RPGRIP1L: variants seen among roughly 807,000 people sequenced by gnomAD.
RPGRIP1L encodes the protein RPGRIP1 like.
Under a neutral mutation model 160.4 loss-of-function variants are expected in RPGRIP1L, and 131 were observed. That is an observed-to-expected ratio of 0.82 (90% CI 0.71 to 0.94). The LOEUF is 0.94. Among genes scored for constraint, RPGRIP1L ranks in the 40% least tolerant of loss-of-function variants. The pLI, the probability that RPGRIP1L is intolerant of heterozygous loss-of-function variation, is 0.00. For synonymous variants in RPGRIP1L, 510 were observed against 515.8 expected (o/e 0.99, Z 0.15); for missense variants, 1,522 against 1,535.8 (o/e 0.99, Z 0.15).
Position 53,667,787 on chromosome 16 carries a change from C to T in RPGRIP1L, c.1104-2778G>A, listed in dbSNP as rs1022408092. ...ACTCAGGAGGCTGAGACAGAAGAATCGCTTGAACCTGGGAGGCAGGGGTTG... is the reference window on the plus strand; with the variant it reads ...ACTCAGGAGGCTGAGACAGAAGAATTGCTTGAACCTGGGAGGCAGGGGTTG... On this transcript the variant is annotated intron_variant, in intron 9 of 26. Transcript: ENST00000647211. Among the ~76,000 whole-genome samples the T allele has an allele frequency of 2.6e-5, 4 of 152,012 alleles. No homozygotes were observed. In the South Asian group the frequency reaches 6.2e-4, roughly 24 times the overall value.
chr16:53,643,908 CAT>C (rs1358590280), intron 17 of RPGRIP1L, among the ~76,000 whole-genome samples: 21 of 152,304 alleles, frequency 1.4e-4, no homozygotes, highest in African/African-American at 3.8e-4. Context: ...AGGATGACCA[CAT>C]GTTAGACTTG....
At chr16:53,603,674 A>ATGTGTGTGTGTG (rs3035223) in intron 26 of RPGRIP1L, among the ~76,000 whole-genome samples, 1,989 of 148,012 alleles carry the variant, frequency 0.013, 36 homozygotes, top group South Asian at 0.061. Context: ...TTGAACTTTA[A>ATGTGTGTGTGTG]TGTGTGTGTG....
chr16:53,635,848 G>T lies in RPGRIP1L; in HGVS notation c.3294+591C>A, dbSNP rs114092779. Reference sequence around the variant, plus strand: ...ACAATAAAAAATGCTCTGGTAAACAGTATACTTCCCATATATATTTTAAAA... The same window carrying T: ...ACAATAAAAAATGCTCTGGTAAACATTATACTTCCCATATATATTTTAAAA... On this transcript the variant is annotated intron_variant, in intron 22 of 26. Transcript: ENST00000647211. Among the ~76,000 whole-genome samples, 215 of 152,104 alleles carry T rather than the reference G, an allele frequency of 1.4e-3. 1 individual carries two copies. Among genetic ancestry groups the T allele is most frequent in the African/African-American group, 4.8e-3 (200 of 41,502 alleles).
chr16:53,641,763 A>G (rs1034170842), intron 17 of RPGRIP1L, among the ~76,000 whole-genome samples: 5 of 152,314 alleles, frequency 3.3e-5, no homozygotes, highest in Admixed American at 2.6e-4. Context: ...TGAGACAATT[A>G]ATTTATAAAT....
intron 7 of RPGRIP1L, among the ~76,000 whole-genome samples, chr16:53,673,737 T>C (rs1281698578): frequency 1.3e-5 from 2 of 152,090 alleles, no homozygotes; most frequent in Non-Finnish European, 2.9e-5. Flanking sequence ...TATTGAGCCA[T>C]TCAGGTCAAT....
rs951049143 is a variant in RPGRIP1L, at chr16:53,668,506, A to C, written c.1103+3004T>G. On this transcript the variant is annotated intron_variant, in intron 9 of 26. Coordinates refer to ENST00000647211, the MANE Select transcript of RPGRIP1L (RefSeq NM_015272.5). ...GACCCAGTCTCAAATTAACTGAATCAGAGTTGGATGGTATGGGGGCAGAGG... is the reference window on the plus strand; with the variant it reads ...GACCCAGTCTCAAATTAACTGAATCCGAGTTGGATGGTATGGGGGCAGAGG... Among the ~76,000 whole-genome samples, 6 of 152,208 alleles carry C rather than the reference A, an allele frequency of 3.9e-5. No individual in the cohort carries two copies. The South Asian group carries it at 1.2e-3, about 32-fold the overall frequency.
chr16:53,680,599 G>T (rs1347786782), intron 6 of RPGRIP1L, among the ~76,000 whole-genome samples: 1 of 152,074 alleles, frequency 6.6e-6, no homozygotes, highest in Non-Finnish European at 1.5e-5. Flanking sequence ...ACATTATTGG[G>T]ACAATTGGGG....
chr16:53,627,855 T>C (rs1045760264), intron 22 of RPGRIP1L, among the ~76,000 whole-genome samples: 2 of 152,156 alleles, frequency 1.3e-5, no homozygotes, highest in South Asian at 2.1e-4. Flanking sequence ...ATAGTACATT[T>C]ATTTACCTGC....
chr16:53,639,488 T>C (rs1966067655), intron 19 of RPGRIP1L, among the ~76,000 whole-genome samples: 1 of 152,124 alleles, frequency 6.6e-6, no homozygotes, highest in South Asian at 2.1e-4. Context: ...GGGTGTGCCA[T>C]GGCTTAATGA....
chr16:53,614,451 T>G (rs1964232613), intron 24 of RPGRIP1L, among the ~76,000 whole-genome samples: 1 of 152,224 alleles, frequency 6.6e-6, no homozygotes, highest in Non-Finnish European at 1.5e-5. Context: ...TTCTAACATG[T>G]TTCCAGTTGA....
intron 15 of RPGRIP1L, 137 bp downstream of exon 15, chr16:53,652,398 T>G (rs145764360): frequency 1.4e-6 from 1 of 722,234 alleles, no homozygotes; most frequent in African/African-American, 1.8e-5. Flanking sequence ...ATAGTCCAAT[T>G]AACTGTGGGT....
chr16:53,605,139 C>G (rs1340316485), intron 26 of RPGRIP1L, among the ~76,000 whole-genome samples: 1 of 151,900 alleles, frequency 6.6e-6, no homozygotes, highest in African/African-American at 2.4e-5. Context: ...CAAGACTGCA[C>G]TCCAACTTGG....
At chr16:53,610,826 C>T (rs1440630728) in intron 25 of RPGRIP1L, 141 bp downstream of exon 25, 24 of 712,562 alleles carry the variant, frequency 3.4e-5, no homozygotes, top group African/African-American at 1.4e-4. Context: ...ACAGAGATCC[C>T]GTACTCATTC....
At chr16:53,652,389 T>C (rs936591972) in intron 15 of RPGRIP1L, 146 bp downstream of exon 15, 22 of 699,430 alleles carry the variant, frequency 3.1e-5, no homozygotes, top group African/African-American at 3.6e-5. Context: ...ACGTTTAAGA[T>C]AGTCCAATTA....
intron 22 of RPGRIP1L, among the ~76,000 whole-genome samples, chr16:53,632,062 C>G (rs1420906283): frequency 6.6e-6 from 1 of 152,106 alleles, no homozygotes; most frequent in Non-Finnish European, 1.5e-5. Flanking sequence ...ATGAAGTAAT[C>G]TATGATTAAT....
chr16:53,611,142 TTAAA>T, intron 24 of RPGRIP1L, 91 bp from the exon 25 acceptor site: 1 of 918,308 alleles, frequency 1.1e-6, no homozygotes, highest in Non-Finnish European at 1.8e-6. Flanking sequence ...ATACCTGTTT[TTAAA>T]GACACAAGTC....
chr16:53,635,390 C>T (rs1172784592), intron 22 of RPGRIP1L: 7 of 152,200 alleles, frequency 4.6e-5, no homozygotes, highest in East Asian at 1.9e-4. Context: ...AGAACAGAAA[C>T]GATGGGTATC....
intron 2 of RPGRIP1L, among the ~76,000 whole-genome samples, chr16:53,696,887 A>T (rs1027586115): frequency 6.6e-6 from 1 of 152,212 alleles, no homozygotes; most frequent in Non-Finnish European, 1.5e-5. Context: ...TTCTTTTTAC[A>T]GACGCTTAAA....
chr16:53,636,768 G>T (rs757823840), intron 21 of RPGRIP1L, among the ~76,000 whole-genome samples: 2 of 151,932 alleles, frequency 1.3e-5, no homozygotes, highest in Non-Finnish European at 2.9e-5. Context: ...TGAAATTTAA[G>T]AAAAAAATTT....
Sources: gnomAD v4.1 joint callset for allele counts (sites outside exome capture counted in the v4.1 genomes callset) on GRCh38, gnomAD v4.1.1 for gene constraint, MANE v1.5 for transcripts, NCBI Gene and HGNC (gene_info 2026-07-23, HGNC 2026-07-21) for gene names.